SAG: variants seen among roughly 807,000 people sequenced by gnomAD.
SAG encodes the protein S-antigen visual arrestin, also known as S-arrestin.
A neutral mutation model predicts 55.0 loss-of-function variants in SAG; 45 were observed. The observed-to-expected ratio is 0.82, with a 90% CI of 0.64 to 1.05. The LOEUF is 1.05. Among genes scored for constraint, SAG ranks in the 50% least tolerant of loss-of-function variants. The pLI, the probability that SAG is intolerant of heterozygous loss-of-function variation, is 0.00. For missense variants in SAG, 455 were observed against 512.1 expected (o/e 0.89, Z 1.08); for synonymous variants, 189 against 197.4 (o/e 0.96, Z 0.36).
intron 4 of SAG, 40 bp from the exon 5 acceptor site, chr2:233,320,590 C>T: frequency 6.6e-7 from 1 of 1,504,008 alleles, no homozygotes; most frequent in African/African-American, 1.4e-5. Flanking sequence ...GGGTGCCAGG[C>T]CGAGGGCCAA....
intron 4 of SAG, 69 bp from the exon 5 acceptor site, chr2:233,320,561 C>A: frequency 7.9e-7 from 1 of 1,258,630 alleles, no homozygotes; most frequent in Admixed American, 2.8e-5. Flanking sequence ...TGTTCGCTGC[C>A]CATTCCGTCA....
chr2:233,316,154 A>G lies in SAG; in HGVS notation c.136+19A>G. 6.8e-7 allele frequency: 1 copy of G among 1,480,428 alleles called. No individual in the cohort carries two copies. Among genetic ancestry groups the G allele is most frequent in the Non-Finnish European group, 9.4e-7 (1 of 1,068,766 alleles). The allele number at this position is 1,480,428 out of a possible 1,614,324, so 91.7% of individuals were successfully genotyped here. A position where few individuals can be genotyped will look rare whatever the true frequency, so the allele number is the denominator to read the frequency against. Reference sequence around the variant, plus strand: ...CCTGTGGGTAAGTTGCTTGGAGAAAACTGTAATGCTGGTTTTCCTTTAAGT... The same window carrying G: ...CCTGTGGGTAAGTTGCTTGGAGAAAGCTGTAATGCTGGTTTTCCTTTAAGT... On this transcript the variant is annotated intron_variant, in intron 3 of 15. Coordinates refer to ENST00000409110, the MANE Select transcript of SAG (RefSeq NM_000541.5).
chr2:233,329,447 C>T (rs561903157), intron 8 of SAG, 46 bp from the exon 9 acceptor site: 54 of 1,171,322 alleles, frequency 4.6e-5, no homozygotes, highest in Non-Finnish European at 6.0e-5. Flanking sequence ...TTAAAGACAC[C>T]GCCACATCTG....
At chr2:233,322,372 G>C (rs55863333) in intron 5 of SAG, among the ~76,000 whole-genome samples, 39,919 of 152,030 alleles carry the variant, frequency 0.26, 5,695 homozygotes, top group African/African-American at 0.36. Context: ...GGATGATTCA[G>C]AACTGTATTT....
chr2:233,340,208 C>T lies in SAG; in HGVS notation c.1023-247C>T, dbSNP rs1186060780. 6.6e-6 allele frequency among the ~76,000 whole-genome samples: 1 copy of T among 152,180 alleles called. No homozygotes were observed. The highest frequency in any genetic ancestry group is 1.5e-5 in the Non-Finnish European group (1 of 68,030). The stretch of plus-strand genomic sequence containing the variant: ...ATGACCTCAAGTGATCCGCCCACCT[C>T]GGCCTCCCAAAGTGCTGGGATTACA... On this transcript the variant is annotated intron_variant, in intron 12 of 15. Transcript: ENST00000409110. This position sits in a 1 kb window ranked among gnomAD's most constrained non-coding sequence, Gnocchi z 4.2.
intron 10 of SAG, chr2:233,333,570 G>A (rs985878935): frequency 1.2e-4 from 18 of 152,188 alleles, no homozygotes; most frequent in African/African-American, 3.6e-4. Flanking sequence ...GGGCTTTAGT[G>A]GGCAGGCTTC....
intron 11 of SAG, 28 bp from the exon 12 acceptor site, chr2:233,338,648 A>C: frequency 1.2e-6 from 2 of 1,601,032 alleles, no homozygotes; most frequent in Non-Finnish European, 1.7e-6. Context: ...GCTCTCCATC[A>C]TTCTCCTTTT....
At chr2:233,329,076 T>C (rs539491495) in intron 8 of SAG, 6 of 236,244 alleles carry the variant, frequency 2.5e-5, no homozygotes, top group African/African-American at 1.4e-4. Flanking sequence ...TGAGAGCTGC[T>C]GGCCAAGGCT....
intron 6 of SAG, among the ~76,000 whole-genome samples, chr2:233,326,112 G>C (rs3792098): frequency 2.0e-5 from 3 of 151,836 alleles, no homozygotes; most frequent in Non-Finnish European, 4.4e-5. Context: ...GCATGTGAAC[G>C]TGCAGAGATG....
At chr2:233,337,121 C>T (rs943453559) in intron 11 of SAG, among the ~76,000 whole-genome samples, 2 of 151,842 alleles carry the variant, frequency 1.3e-5, no homozygotes, top group Non-Finnish European at 2.9e-5. Flanking sequence ...TCAATCCCAG[C>T]AAAGAGGGGG....
chr2:233,326,586 CA>C (rs35383170), intron 6 of SAG, among the ~76,000 whole-genome samples: 2,802 of 123,560 alleles, frequency 0.023, 34 homozygotes, highest in Admixed American at 0.038. Flanking sequence ...ACTCCATCTC[CA>C]AAAAAAAAAA....
intron 9 of SAG, among the ~76,000 whole-genome samples, chr2:233,331,065 C>A (rs925959557): frequency 6.6e-6 from 1 of 152,032 alleles, no homozygotes; most frequent in Non-Finnish European, 1.5e-5. Context: ...AAAAAATCCT[C>A]AAGCTTAATT....
intron 6 of SAG, 101 bp downstream of exon 6, chr2:233,323,106 TG>T (rs985407322): frequency 6.6e-6 from 5 of 754,012 alleles, no homozygotes; most frequent in Non-Finnish European, 4.5e-6. Flanking sequence ...TCACCAATGC[TG>T]GGGTGCAGTG....
At chr2:233,331,009 C>T (rs1489901640) in intron 9 of SAG, among the ~76,000 whole-genome samples, 1 of 151,980 alleles carries the variant, frequency 6.6e-6, no homozygotes, top group Non-Finnish European at 1.5e-5. Flanking sequence ...CCCAGGAGTT[C>T]AAGACCAGCC....
At chr2:233,334,636 G>C (rs889077699) in intron 10 of SAG, 1 of 242,308 alleles carries the variant, frequency 4.1e-6, no homozygotes, top group South Asian at 7.0e-5. Context: ...CCACCGTGTG[G>C]TTCACAAAGT....
At position 233,309,214 on chromosome 2, in the gene SAG, A is replaced by C; in HGVS notation, c.25A>C (p.Lys9Gln). Reference sequence around the variant, plus strand: ...CATGGCAGCCAGCGGGAAGACCAGCAAGTCCGAACCGAACCATGTTATCTT... The same window carrying C: ...CATGGCAGCCAGCGGGAAGACCAGCCAGTCCGAACCGAACCATGTTATCTT... Reference protein sequence around the residue: MAASGKTSKSEPNHVIFKK... With the variant: MAASGKTSQSEPNHVIFKK... Residue 9 changes from lysine to glutamine, a missense_variant, in exon 2 of 16, where the codon AAG (lysine) becomes CAG (glutamine). Physicochemically the swap from Lys to Gln is moderately conservative, Grantham distance 53 (BLOSUM62 1). Coordinates refer to ENST00000409110, the MANE Select transcript of SAG (RefSeq NM_000541.5). 1 of 1,613,840 alleles carries C rather than the reference A, an allele frequency of 6.2e-7. No individual in the cohort carries two copies. The highest frequency in any genetic ancestry group is 8.5e-7 in the Non-Finnish European group (1 of 1,179,800).
rs1056415499 is a variant in SAG at position 233,311,932 on chromosome 2, C to G, written c.75+2668C>G. Among the ~76,000 whole-genome samples, 7 of 152,128 alleles carry G rather than the reference C, an allele frequency of 4.6e-5. No individual in the cohort carries two copies. The East Asian group carries it at 1.3e-3, about 29-fold the overall frequency. On this transcript the variant is annotated intron_variant, in intron 2 of 15. Transcript: ENST00000409110. ...CCTGAGGTCAGGAGTTCGAGACCAG[C>G]CTGGCCAACATGGAGAAACCCTGTC...
intron 11 of SAG, among the ~76,000 whole-genome samples, chr2:233,336,059 T>C (rs56273947): frequency 0.033 from 5,020 of 152,336 alleles, 268 homozygotes; most frequent in African/African-American, 0.11. Context: ...GCCAAGTTAC[T>C]GTGTTAGATT....
intron 4 of SAG, chr2:233,320,114 GC>G: frequency 2.1e-6 from 1 of 475,780 alleles, no homozygotes; most frequent in East Asian, 1.5e-4. Context: ...TGGAACTTGA[GC>G]CTTCTCAAGT....
Sources: gnomAD v4.1 joint callset for allele counts (sites outside exome capture counted in the v4.1 genomes callset) on GRCh38, gnomAD v4.1.1 for gene constraint, Gnocchi (gnomAD v3.1) non-coding constraint, MANE v1.5 for transcripts, NCBI Gene and HGNC (gene_info 2026-07-23, HGNC 2026-07-21) for gene names.